Variants in LCT observed in about 807,000 individuals in gnomAD.
LCT encodes lactase/phlorizin hydrolase.
Under a neutral mutation model 173.0 loss-of-function variants are expected in LCT, and 90 were observed. The ratio of observed to expected loss-of-function variants is 0.52; its 90% CI spans 0.44 to 0.62. The LOEUF (loss-of-function observed/expected upper bound fraction) is 0.62. LCT is among the 20% of genes least tolerant of loss of function. The pLI is 0.00. For synonymous variants in LCT, 853 were observed against 957.6 expected (o/e 0.89, Z 2.02); for missense variants, 1,864 against 2,431.4 (o/e 0.77, Z 4.91).
rs750881181 is a variant in LCT at position 135,790,809 on chromosome 2, G to C, written c.5184C>G (p.Gly1728=). The C allele has an allele frequency of 1.2e-5, 20 of 1,613,934 alleles. No individual in the cohort carries two copies. The highest frequency in any genetic ancestry group is 2.7e-5 in the African/African-American group (2 of 74,902). Reference sequence around the variant, plus strand: ...TTAACCAGTTCAGGATCCTCCTGAAGCCAAAAGGCGTCATCTTCAGCCAGA... The same window carrying C: ...TTAACCAGTTCAGGATCCTCCTGAACCCAAAAGGCGTCATCTTCAGCCAGA... The part of the protein sequence containing the change: ...GSFWLKMTPF[G]FRRILNWLKE... The change falls in exon 15 of 17, where the codon GGC becomes GGG. Residue 1728 remains glycine (G), a synonymous_variant. Coordinates refer to ENST00000264162, the MANE Select transcript of LCT (RefSeq NM_002299.4). This position sits in a 1 kb window ranked among gnomAD's most constrained non-coding sequence, Gnocchi z 4.1.
At chr2:135,797,377 T>A (rs2077590506) in intron 13 of LCT, among the ~76,000 whole-genome samples, 1 of 152,126 alleles carries the variant, frequency 6.6e-6, no homozygotes, top group African/African-American at 2.4e-5. Context: ...CCGTGGGCAG[T>A]GACTGCCGCT....
At chr2:135,834,817 G>GAAGAAA (rs2077972406) in intron 1 of LCT, among the ~76,000 whole-genome samples, 1 of 116,162 alleles carries the variant, frequency 8.6e-6, no homozygotes, top group Non-Finnish European at 1.8e-5. Flanking sequence ...AAAAGAAGAA[G>GAAGAAA]AAAAAAATGT....
At chr2:135,797,998 G>T in intron 13 of LCT, 31 bp downstream of exon 13, 3 of 1,228,610 alleles carry the variant, frequency 2.4e-6, no homozygotes, top group Non-Finnish European at 3.6e-6. Context: ...CGACGCCCAT[G>T]CCCTCACCAC....
chr2:135,827,576 G>A (rs1004750802), intron 3 of LCT, among the ~76,000 whole-genome samples: 1 of 152,060 alleles, frequency 6.6e-6, no homozygotes, highest in African/African-American at 2.4e-5. Flanking sequence ...AGGTAGGGGG[G>A]ATGATGGGGA....
At chr2:135,815,700 T>C (rs1364572628) in intron 6 of LCT, among the ~76,000 whole-genome samples, 1 of 151,908 alleles carries the variant, frequency 6.6e-6, no homozygotes, top group Non-Finnish European at 1.5e-5. Flanking sequence ...ATTATTATTA[T>C]TATTTTTGAG....
chr2:135,813,083 A>G (rs907350420), intron 6 of LCT, 127 bp from the exon 7 acceptor site: 35 of 827,898 alleles, frequency 4.2e-5, no homozygotes, highest in Non-Finnish European at 6.5e-5. Context: ...CAACATTGAC[A>G]TTGTCAATAT....
intron 4 of LCT, chr2:135,823,143 C>G (rs1009988949): frequency 1.9e-5 from 3 of 153,978 alleles, no homozygotes; most frequent in African/African-American, 7.2e-5. Context: ...GACTAAGACA[C>G]AGTGGTAGAA....
intron 6 of LCT, 119 bp from the exon 7 acceptor site, chr2:135,813,075 A>C: frequency 1.1e-6 from 1 of 872,464 alleles, no homozygotes; most frequent in African/African-American, 1.7e-5. Flanking sequence ...GACAACAACA[A>C]CATTGACATT....
chr2:135,807,460 C>T (rs1351933553), intron 8 of LCT, 64 bp from the exon 9 acceptor site: 1 of 1,445,454 alleles, frequency 6.9e-7, no homozygotes, highest in Non-Finnish European at 9.7e-7. Flanking sequence ...TCCATGCACC[C>T]AACCCACTGC....
At chr2:135,825,347 C>T (rs536480023) in intron 3 of LCT, among the ~76,000 whole-genome samples, 26 of 152,332 alleles carry the variant, frequency 1.7e-4, no homozygotes, top group African/African-American at 6.0e-4. Flanking sequence ...CCCATGACTG[C>T]GCAGTTAGTG....
At position 135,803,945 on chromosome 2, in the gene LCT, C is replaced by T. The variant is rs756645100; in HGVS notation, c.4648G>A (p.Gly1550Arg). The T allele has an allele frequency of 9.9e-6, 16 of 1,613,816 alleles. No individual in the cohort carries two copies. The highest frequency in any genetic ancestry group is 1.2e-5 in the Non-Finnish European group (14 of 1,179,948). The change falls in exon 11 of 17, where the codon GGA (glycine) becomes AGA (arginine). Residue 1550 changes from glycine to arginine, a missense_variant. By Grantham distance (125) the Gly-to-Arg change is moderately radical. Around this residue, in one of 4 missense-constraint regions of LCT, gnomAD observed 514 missense variants for 750.1 expected, o/e 0.69. Coordinates refer to ENST00000264162, the MANE Select transcript of LCT (RefSeq NM_002299.4). ...FVIAYQGYGY[G>R]TAAPGVSNRP... ...TGGGACTTACCTGGAGCTGCTGTTC[C>T]GTAGCCATAGCCCTGGTAAGCAATG...
Position 135,790,490 on chromosome 2 carries a change from A to G in LCT, c.5335+168T>C, listed in dbSNP as rs2077524354. Among the ~76,000 whole-genome samples, 2 of 152,200 alleles carry G rather than the reference A, an allele frequency of 1.3e-5. No individual in the cohort carries two copies. Among genetic ancestry groups the G allele is most frequent in the South Asian group, 4.1e-4 (2 of 4,822 alleles). ...CTTGCTGAGCTTAGACATAGGAAGG[A>G]AAAAAACTCAGAGTGCGGCCCTAAA... On this transcript the variant is annotated intron_variant, in intron 15 of 16. Transcript: ENST00000264162. This position sits in a 1 kb window ranked among gnomAD's most constrained non-coding sequence, Gnocchi z 4.1.
Position 135,823,909 on chromosome 2 carries a change from A to C in LCT, c.899T>G (p.Leu300Arg). 6.2e-7 allele frequency: 1 copy of C among 1,608,938 alleles called. No individual in the cohort carries two copies. Among genetic ancestry groups the C allele is most frequent in the Non-Finnish European group, 8.5e-7 (1 of 1,175,270 alleles). Residue 300 changes from leucine (L) to arginine (R), a missense_variant, in exon 4 of 17, where the codon CTT (leucine) becomes CGT (arginine). Leu to Arg is a moderately radical substitution (Grantham distance 102). Coordinates refer to ENST00000264162, the MANE Select transcript of LCT (RefSeq NM_002299.4). The stretch of plus-strand genomic sequence containing the variant: ...AGCAATGGCCCACTCACCTTCAAAA[A>C]GGCTGAAGAGCAGACTGGCTGGGTT... Reference protein sequence around the residue: ...MKNPASLLFSLFEAINKDQVL... With the variant: ...MKNPASLLFSRFEAINKDQVL...
intron 14 of LCT, chr2:135,794,286 G>C (rs1170813446): frequency 9.4e-6 from 2 of 212,028 alleles, no homozygotes; most frequent in Non-Finnish European, 1.9e-5. Context: ...AGCGAATTTT[G>C]ATAAAACCTA....
chr2:135,794,413 C>A, intron 14 of LCT: 1 of 538,068 alleles, frequency 1.9e-6, no homozygotes, highest in Non-Finnish European at 3.3e-6. Context: ...AACAAAAAGC[C>A]AAGCACATGT....
At chr2:135,820,022 T>C (rs1458168498) in intron 5 of LCT, among the ~76,000 whole-genome samples, 4 of 152,340 alleles carry the variant, frequency 2.6e-5, no homozygotes, top group East Asian at 1.9e-4. Flanking sequence ...AAGTTCTCCC[T>C]TTTTTAGGGT....
Position 135,798,235 on chromosome 2 carries a change from C to T in LCT, c.4867-97G>A, listed in dbSNP as rs577145051. Reference sequence around the variant, plus strand: ...CAGAAGTGCCTGGCCTCACAACCTCCCTCCTTTTCCTGGACCCCCAGGTTA... The same window carrying T: ...CAGAAGTGCCTGGCCTCACAACCTCTCTCCTTTTCCTGGACCCCCAGGTTA... On this transcript the variant is annotated intron_variant, in intron 12 of 16. Coordinates refer to ENST00000264162, the MANE Select transcript of LCT (RefSeq NM_002299.4). 76 of 768,936 alleles carry T rather than the reference C, an allele frequency of 9.9e-5. No homozygotes were observed. In the African/African-American group the frequency reaches 1.2e-3, roughly 12 times the overall value. The allele number at this position is 768,936 out of a possible 1,614,324, so 47.6% of individuals were successfully genotyped here.
chr2:135,830,276 C>G (rs532374144), intron 2 of LCT, among the ~76,000 whole-genome samples: 1 of 151,956 alleles, frequency 6.6e-6, no homozygotes, highest in East Asian at 1.9e-4. Flanking sequence ...GTCGACACCC[C>G]CATCCACACT....
intron 7 of LCT, among the ~76,000 whole-genome samples, chr2:135,812,061 G>C (rs933975146): frequency 3.9e-5 from 6 of 152,036 alleles, no homozygotes; most frequent in Non-Finnish European, 5.9e-5. Context: ...CTCTCCAGCG[G>C]GCAACACAGC....
Sources: gnomAD v4.1 joint callset for allele counts (sites outside exome capture counted in the v4.1 genomes callset) on GRCh38, gnomAD v4.1.1 for gene constraint, gnomAD v4.1.1 regional missense constraint, Gnocchi (gnomAD v3.1) non-coding constraint, MANE v1.5 for transcripts, NCBI Gene and HGNC (gene_info 2026-07-23, HGNC 2026-07-21) for gene names.